KBTBD11: variants seen among roughly 807,000 people sequenced by gnomAD.
KBTBD11 encodes kelch repeat and BTB domain containing 11.
For missense variants in KBTBD11, 1,390 were observed against 1,001.8 expected (o/e 1.39, Z -5.23); for synonymous variants, 747 against 499.0 (o/e 1.50, Z -6.63).
At chr8:1,997,423 A>C (rs985867607) in intron 1 of KBTBD11, among the ~76,000 whole-genome samples, 1 of 152,154 alleles carries the variant, frequency 6.6e-6, no homozygotes, top group Non-Finnish European at 1.5e-5. Flanking sequence ...AAAAGTCTTA[A>C]TGTTGAGTTT....
intron 1 of KBTBD11, among the ~76,000 whole-genome samples, chr8:1,982,179 T>A (rs1439342304): frequency 6.6e-6 from 1 of 152,130 alleles, no homozygotes; most frequent in Non-Finnish European, 1.5e-5. Context: ...ATCGTCAGCT[T>A]AAAATAGACT....
chr8:1,988,818 T>C (rs912550581), intron 1 of KBTBD11, among the ~76,000 whole-genome samples: 2 of 152,206 alleles, frequency 1.3e-5, no homozygotes, highest in Admixed American at 6.5e-5. Context: ...AAATACTTCA[T>C]ATATGTCTGC....
Position 1,991,787 on chromosome 8 carries a change from C to G in KBTBD11, c.-908-8498C>G, listed in dbSNP as rs138584304. 2.6e-5 allele frequency among the ~76,000 whole-genome samples: 4 copies of G among 151,894 alleles called. 1 individual carries two copies. Among genetic ancestry groups the G allele is most frequent in the African/African-American group, 9.7e-5 (4 of 41,336 alleles). ...GTGAGTGGGCCTTCTCGTTTTAGGA[C>G]GAGATCACTGAATGGAGCAAATTGC... On this transcript the variant is annotated intron_variant, in intron 1 of 1. Transcript: ENST00000320248.
intron 1 of KBTBD11, among the ~76,000 whole-genome samples, chr8:1,988,452 T>C (rs552006744): frequency 2.6e-5 from 4 of 152,284 alleles, no homozygotes; most frequent in African/African-American, 9.6e-5. Context: ...TACCTCATTG[T>C]GGTTTTGATT....
In KBTBD11 at chr8:2,002,287, CG is replaced by C; in HGVS notation, c.1097del (p.Gly366AlafsTer30). The C allele has an allele frequency of 7.8e-7, 1 of 1,281,154 alleles. No individual in the cohort carries two copies. Among genetic ancestry groups the C allele is most frequent in the Non-Finnish European group, 9.9e-7 (1 of 1,010,284 alleles). 79.4% of individuals were successfully genotyped at this position (1,281,154 alleles called of 1,614,324 possible). The part of the protein sequence containing the change: ...VLYNYLFVAG[G>X]VAPAGPDGRA... ...TCTACAACTACCTCTTCGTGGCGGG[CG>C]GCGTGGCGCCCGCGGGCCCCGACGG... is the stretch of plus-strand genomic sequence containing the variant. On this transcript the variant is annotated frameshift_variant, in exon 2 of 2. Transcript: ENST00000320248. LOFTEE classifies it low-confidence loss of function (END_TRUNC). This position sits in a 1 kb window ranked among gnomAD's most constrained non-coding sequence, Gnocchi z 4.1.
chr8:2,001,805 G>C lies in KBTBD11; in HGVS notation c.613G>C (p.Ala205Pro), dbSNP rs1342623377. ...RMAGVRPDNV[A>P]EVVAGARRLQ... is the part of the protein sequence containing the mutation. ...GGCGGGCGTGCGGCCCGACAACGTG[G>C]CCGAGGTGGTGGCCGGCGCGCGCCG... Residue 205 changes from alanine to proline, a missense_variant, in exon 2 of 2, where the codon GCC becomes CCC. Physicochemically the swap from Ala to Pro is conservative, Grantham distance 27. Transcript: ENST00000320248. The C allele has an allele frequency of 3.2e-6, 4 of 1,240,262 alleles. No individual in the cohort carries two copies. The highest frequency in any genetic ancestry group is 2.0e-6 in the Non-Finnish European group (2 of 996,148). The allele number at this position is 1,240,262 out of a possible 1,614,324, so 76.8% of individuals were successfully genotyped here.
At chr8:1,975,990 G>T (rs953851165) in intron 1 of KBTBD11, 3 of 152,152 alleles carry the variant, frequency 2.0e-5, no homozygotes, top group African/African-American at 7.2e-5. Context: ...GCCTCCATCT[G>T]GGCACATGTT....
At chr8:1,989,937 T>TG (rs1353065402) in intron 1 of KBTBD11, among the ~76,000 whole-genome samples, 1 of 148,236 alleles carries the variant, frequency 6.7e-6, no homozygotes, top group Non-Finnish European at 1.5e-5. Context: ...TTTTTTTTTT[T>TG]TTTTTTTTTT....
At chr8:1,984,137 A>T (rs1816631926) in intron 1 of KBTBD11, among the ~76,000 whole-genome samples, 1 of 151,902 alleles carries the variant, frequency 6.6e-6, no homozygotes. Context: ...TTAGAAAAAT[A>T]AAAAAAGAGT....
chr8:1,981,195 G>A (rs568017530), intron 1 of KBTBD11, among the ~76,000 whole-genome samples: 2 of 152,288 alleles, frequency 1.3e-5, no homozygotes, highest in African/African-American at 2.4e-5. Context: ...CAGAAAGGCT[G>A]TCATTTAGAA....
intron 1 of KBTBD11, among the ~76,000 whole-genome samples, chr8:1,983,043 C>A (rs2129309897): frequency 6.6e-6 from 1 of 152,180 alleles, no homozygotes; most frequent in Admixed American, 6.5e-5. Flanking sequence ...CTGGGTGAGG[C>A]TTGGTTTAGA....
At position 2,002,969 on chromosome 8, in the gene KBTBD11, G is replaced by C; in HGVS notation, c.1777G>C (p.Ala593Pro). Residue 593 changes from alanine to proline, a missense_variant, in exon 2 of 2, where the codon GCG (alanine) becomes CCG (proline). Ala to Pro is a conservative substitution (Grantham distance 27). Coordinates refer to ENST00000320248, the MANE Select transcript of KBTBD11 (RefSeq NM_014867.3). The surrounding 1 kb of genome is among the most constrained non-coding windows in gnomAD (Gnocchi z 4.1). ...CGCAGGCCAGGGCGGCGGCTTCGAG[G>C]CGCTGGGCGCCCCCTTGGACGTCCG... The part of the protein sequence containing the change: ...GDAGQGGGFE[A>P]LGAPLDVRGV... 2 of 1,314,346 alleles carry C rather than the reference G, an allele frequency of 1.5e-6. No homozygotes were observed. The highest frequency in any genetic ancestry group is 1.9e-6 in the Non-Finnish European group (2 of 1,032,904). The allele number at this position is 1,314,346 out of a possible 1,614,324, so 81.4% of individuals were successfully genotyped here.
intron 1 of KBTBD11, among the ~76,000 whole-genome samples, chr8:1,995,969 A>G (rs1253782651): frequency 2.0e-5 from 3 of 152,180 alleles, no homozygotes; most frequent in African/African-American, 7.2e-5. Flanking sequence ...AGCTGCAGTG[A>G]GCCATGCTTG....
Position 2,001,687 on chromosome 8 carries a change from CCG to C in KBTBD11, c.506_507del (p.Ala169ValfsTer282), listed in dbSNP as rs751099278. Reference protein sequence around the residue: ...AVLAARSDYFRARASRDVLRV... With the variant: ...AVLAARSDYFXARASRDVLRV... ...TGCTGGCGGCGCGCAGCGACTACTTCCGCGCGCGCGCGTCGCGGGACGTGCTG... is the reference window on the plus strand; with the variant it reads ...TGCTGGCGGCGCGCAGCGACTACTTCCGCGCGCGCGTCGCGGGACGTGCTG... On this transcript the variant is annotated frameshift_variant, in exon 2 of 2. Coordinates refer to ENST00000320248, the MANE Select transcript of KBTBD11 (RefSeq NM_014867.3). LOFTEE classifies it low-confidence loss of function (END_TRUNC). 198 of 1,438,816 alleles carry C rather than the reference CCG, an allele frequency of 1.4e-4. No homozygotes were observed. Among genetic ancestry groups the C allele is most frequent in the Admixed American group, 7.0e-4 (26 of 37,362 alleles). The allele number at this position is 1,438,816 out of a possible 1,614,324, so 89.1% of individuals were successfully genotyped here. A position where few individuals can be genotyped will look rare whatever the true frequency, so the allele number is the denominator to read the frequency against.
chr8:1,997,751 G>T (rs1456493147), intron 1 of KBTBD11, among the ~76,000 whole-genome samples: 4 of 152,256 alleles, frequency 2.6e-5, no homozygotes, highest in Admixed American at 1.3e-4. Flanking sequence ...ATGCAGTGGT[G>T]TCTGAGAGGC....
chr8:1,991,764 G>T (rs1816927657), intron 1 of KBTBD11, among the ~76,000 whole-genome samples: 1 of 152,072 alleles, frequency 6.6e-6, no homozygotes, highest in Non-Finnish European at 1.5e-5. Context: ...GCCCACCGGT[G>T]AGTGGGCCTT....
chr8:2,002,072 G>T lies in KBTBD11; in HGVS notation c.880G>T (p.Ala294Ser). Residue 294 changes from alanine (A) to serine (S), a missense_variant, in exon 2 of 2, where the codon GCC becomes TCC. By Grantham distance (99) the Ala-to-Ser change is moderately conservative. Transcript: ENST00000320248. The surrounding 1 kb of genome is among the most constrained non-coding windows in gnomAD (Gnocchi z 4.1). ...GCGCCGCCGCCTGCGCGCCGGCCGC[G>T]CCCACCTCTTGGCCGCGGCGCTCGG... Reference protein sequence around the residue: ...LLRRRLRAGRAHLLAAALGPA... With the variant: ...LLRRRLRAGRSHLLAAALGPA... 8.8e-7 allele frequency: 1 copy of T among 1,138,388 alleles called. No individual in the cohort carries two copies. Among genetic ancestry groups the T allele is most frequent in the Non-Finnish European group, 1.1e-6 (1 of 932,070 alleles). 70.5% of individuals were successfully genotyped at this position (1,138,388 alleles called of 1,614,324 possible).
chr8:1,977,006 C>T (rs1449654725), intron 1 of KBTBD11, among the ~76,000 whole-genome samples: 1 of 152,020 alleles, frequency 6.6e-6, no homozygotes, highest in Non-Finnish European at 1.5e-5. Context: ...ACCCATGGGC[C>T]ACGAGCCACA....
chr8:1,995,922 G>A (rs1390900931), intron 1 of KBTBD11, among the ~76,000 whole-genome samples: 1 of 152,174 alleles, frequency 6.6e-6, no homozygotes, highest in African/African-American at 2.4e-5. Context: ...CTACTTGGGA[G>A]GCTGAGGTGG....
Sources: gnomAD v4.1 joint callset for allele counts (sites outside exome capture counted in the v4.1 genomes callset) on GRCh38, gnomAD v4.1.1 for gene constraint, Gnocchi (gnomAD v3.1) non-coding constraint, MANE v1.5 for transcripts, NCBI Gene and HGNC (gene_info 2026-07-23, HGNC 2026-07-21) for gene names.